The following SIX6 variants were observed in gnomAD, a reference collection of about 807,000 sequenced individuals.
The protein encoded by SIX6 is SIX homeobox 6.
Under a neutral mutation model 23.6 loss-of-function variants are expected in SIX6, and 14 were observed. The observed-to-expected ratio is 0.59, with a 90% CI of 0.39 to 0.93. The LOEUF is 0.93. Ranked by LOEUF, SIX6 falls within the 40% of genes least tolerant of loss-of-function variation. The pLI, the probability that SIX6 is intolerant of heterozygous loss-of-function variation, is 0.00. For synonymous variants in SIX6, 128 were observed against 144.9 expected, an observed-to-expected ratio of 0.88 and a Z score of 0.84; for missense variants, 307 against 325.6, an observed-to-expected ratio of 0.94 and a Z score of 0.44.
chr14:60,510,734 A>C (rs914491538), intron 1 of SIX6, among the ~76,000 whole-genome samples: 1 of 152,204 alleles, frequency 6.6e-6, no homozygotes, highest in African/African-American at 2.4e-5. Flanking sequence ...CCTGGGACCG[A>C]TCTGTCCTTG....
intron 1 of SIX6, 39 bp downstream of exon 1, chr14:60,510,009 G>C (rs780223776): frequency 1.9e-6 from 3 of 1,546,442 alleles, no homozygotes; most frequent in Admixed American, 3.7e-5. Context: ...AGCGCACCGG[G>C]GAGGAGGCGG....
rs1395272141 is a variant in SIX6, at chr14:60,512,037, G to A, written c.*785G>A. The A allele has an allele frequency of 6.6e-6, 1 of 151,238 alleles. No homozygotes were observed. The highest frequency in any genetic ancestry group is 1.5e-5 in the Non-Finnish European group (1 of 67,842). 9.4% of individuals were successfully genotyped at this position (151,238 alleles called of 1,614,324 possible). A position where few individuals can be genotyped will look rare whatever the true frequency, so the allele number is the denominator to read the frequency against. ...TATGTATGTACCTATACAAACATATGTATGTACCTATACAAACATATGTAT... is the reference window on the plus strand; with the variant it reads ...TATGTATGTACCTATACAAACATATATATGTACCTATACAAACATATGTAT... On this transcript the variant is annotated 3_prime_UTR_variant, in exon 2 of 2. Coordinates refer to ENST00000327720, the MANE Select transcript of SIX6 (RefSeq NM_007374.3).
chr14:60,509,892 C>T lies in SIX6; in HGVS notation c.494C>T (p.Thr165Ile). ...AAAAAACGTGAGCTCGCCCAGGCAA[C>T]CGGACTGACCCCTACGCAGGTGGGC... The part of the protein sequence containing the change: ...PSKKRELAQA[T>I]GLTPTQVGNW... The change falls in exon 1 of 2, where the codon ACC becomes ATC. Residue 165 changes from threonine (T) to isoleucine (I), a missense_variant. Coordinates refer to ENST00000327720, the MANE Select transcript of SIX6 (RefSeq NM_007374.3). The T allele has an allele frequency of 6.2e-7, 1 of 1,613,054 alleles. No individual in the cohort carries two copies. Among genetic ancestry groups the T allele is most frequent in the Non-Finnish European group, 8.5e-7 (1 of 1,179,446 alleles).
chr14:60,510,502 C>T (rs149771549), intron 1 of SIX6, among the ~76,000 whole-genome samples: 82 of 152,356 alleles, frequency 5.4e-4, no homozygotes, highest in African/African-American at 1.9e-3. Flanking sequence ...TGTCTCAAAA[C>T]AGCAAACTAG....
At position 60,509,285 on chromosome 14, in the gene SIX6, G is replaced by A. The variant is rs886050562; in HGVS notation, c.-114G>A. On this transcript the variant is annotated 5_prime_UTR_variant, in exon 1 of 2. Transcript: ENST00000327720. Reference sequence around the variant, plus strand: ...CCGCCGCCACCCGGTAGTGTGTCCCGCTGCCCCAATCCGCCTCATCAACAA... The same window carrying A: ...CCGCCGCCACCCGGTAGTGTGTCCCACTGCCCCAATCCGCCTCATCAACAA... 51 of 922,062 alleles carry A rather than the reference G, an allele frequency of 5.5e-5. No individual in the cohort carries two copies. Among genetic ancestry groups the A allele is most frequent in the Non-Finnish European group, 7.6e-5 (44 of 577,778 alleles). 57.1% of individuals were successfully genotyped at this position (922,062 alleles called of 1,614,324 possible). A position where few individuals can be genotyped will look rare whatever the true frequency, so the allele number is the denominator to read the frequency against.
chr14:60,509,350 C>G lies in SIX6; in HGVS notation c.-49C>G, dbSNP rs747432869. 1 of 1,513,552 alleles carries G rather than the reference C, an allele frequency of 6.6e-7. No individual in the cohort carries two copies. The highest frequency in any genetic ancestry group is 9.1e-7 in the Non-Finnish European group (1 of 1,102,406). 93.8% of individuals were successfully genotyped at this position (1,513,552 alleles called of 1,614,324 possible). On this transcript the variant is annotated 5_prime_UTR_variant, in exon 1 of 2. Transcript: ENST00000327720. ...CAGCCAGGCCCGCGGGCATCTGCTG[C>G]GTGTCCCGCTCCGGGCTCAGTGCCC...
intron 1 of SIX6, 135 bp downstream of exon 1, chr14:60,510,105 G>A (rs1281984632): frequency 6.3e-6 from 5 of 797,318 alleles, no homozygotes; most frequent in Non-Finnish European, 1.0e-5. Context: ...TGGGTTAAGA[G>A]CCCTGCGTTC....
In SIX6 at chr14:60,512,162, T is replaced by C. The variant is rs1893304785; in HGVS notation, c.*910T>C. On this transcript the variant is annotated 3_prime_UTR_variant, in exon 2 of 2. Coordinates refer to ENST00000327720, the MANE Select transcript of SIX6 (RefSeq NM_007374.3). ...ATCCCCAGCACAGGTAATTATGGCT[T>C]GTCCACTTGACACTCGTTTACATGA... 2 of 152,234 alleles carry C rather than the reference T, an allele frequency of 1.3e-5. No homozygotes were observed. The highest frequency in any genetic ancestry group is 4.1e-4 in the South Asian group (2 of 4,834). The allele number at this position is 152,234 out of a possible 1,614,324, so 9.4% of individuals were successfully genotyped here.
Position 60,512,037 on chromosome 14 carries a change from GTATGTACCTATACAAACA to G in SIX6, c.*792_*809del, listed in dbSNP as rs1893303225. 6.6e-6 allele frequency: 1 copy of G among 151,238 alleles called. No individual in the cohort carries two copies. Among genetic ancestry groups the G allele is most frequent in the Admixed American group, 6.6e-5 (1 of 15,176 alleles). The allele number at this position is 151,238 out of a possible 1,614,324, so 9.4% of individuals were successfully genotyped here. A position where few individuals can be genotyped will look rare whatever the true frequency, so the allele number is the denominator to read the frequency against. On this transcript the variant is annotated 3_prime_UTR_variant, in exon 2 of 2. Transcript: ENST00000327720. The stretch of plus-strand genomic sequence containing the variant: ...TATGTATGTACCTATACAAACATAT[GTATGTACCTATACAAACA>G]TATGTATGTATGCATACACGTGATA...
Position 60,511,376 on chromosome 14 carries a change from C to A in SIX6, c.*124C>A, listed in dbSNP as rs918559299. 1.1e-4 allele frequency: 141 copies of A among 1,228,618 alleles called. No homozygotes were observed. In the African/African-American group the frequency reaches 1.8e-3, roughly 15 times the overall value. 76.1% of individuals were successfully genotyped at this position (1,228,618 alleles called of 1,614,324 possible). Reference sequence around the variant, plus strand: ...CACAGAAGCCAGGTGACCAGGGACCCGCGGGCTCGGGTTGCCGTTTCCCGC... The same window carrying A: ...CACAGAAGCCAGGTGACCAGGGACCAGCGGGCTCGGGTTGCCGTTTCCCGC... On this transcript the variant is annotated 3_prime_UTR_variant, in exon 2 of 2. Transcript: ENST00000327720.
At chr14:60,510,482 C>T (rs1479519802) in intron 1 of SIX6, among the ~76,000 whole-genome samples, 5 of 152,222 alleles carry the variant, frequency 3.3e-5, no homozygotes, top group Admixed American at 3.3e-4. Flanking sequence ...CATGCGCTGC[C>T]TGCCACTCTT....
In SIX6 at chr14:60,509,767, C is replaced by T. The variant is rs747003051; in HGVS notation, c.369C>T (p.Arg123=). The T allele has an allele frequency of 2.5e-6, 4 of 1,613,258 alleles. No individual in the cohort carries two copies. The Admixed American group carries it at 6.7e-5, about 27-fold the overall frequency. The change falls in exon 1 of 2, where the codon CGC becomes CGT. Residue 123 remains arginine, a synonymous_variant. Transcript: ENST00000327720. ...YRVRKKFPLP[R]TIWDGEQKTH... ...TAAGGAAGAAGTTCCCGCTGCCGCG[C>T]ACCATTTGGGACGGCGAACAGAAGA...
chr14:60,510,164 T>A (rs1274434506), intron 1 of SIX6, among the ~76,000 whole-genome samples, 194 bp downstream of exon 1: 1 of 152,112 alleles, frequency 6.6e-6, no homozygotes, highest in African/African-American at 2.4e-5. Flanking sequence ...CCCCACCCGC[T>A]GGCTCCCCAC....
In SIX6 at chr14:60,512,017, ATGTACCTATACAAACATATG is replaced by A. The variant is rs1893302618; in HGVS notation, c.*767_*786del. The A allele has an allele frequency of 2.7e-4, 1 of 3,748 alleles. No homozygotes were observed. The highest frequency in any genetic ancestry group is 1.9e-3 in the Non-Finnish European group (1 of 528). The allele number at this position is 3,748 out of a possible 1,614,324, so 0.2% of individuals were successfully genotyped here. On this transcript the variant is annotated 3_prime_UTR_variant, in exon 2 of 2. Coordinates refer to ENST00000327720, the MANE Select transcript of SIX6 (RefSeq NM_007374.3). Reference sequence around the variant, plus strand: ...AAATTACACGTATGTGCATATATGTATGTACCTATACAAACATATGTATGTACCTATACAAACATATGTAT... The same window carrying A: ...AAATTACACGTATGTGCATATATGTATATGTACCTATACAAACATATGTAT...
In SIX6 at chr14:60,509,587, C is replaced by T. The variant is rs541877596; in HGVS notation, c.189C>T (p.His63=). ...GCGCACGAGCCATCGTGGCCTTTCA[C>T]GGTGGCAACTACCGCGAGCTCTATC... ...VLRARAIVAF[H]GGNYRELYHI... Residue 63 remains histidine (H), a synonymous_variant, in exon 1 of 2, where the codon CAC becomes CAT. Coordinates refer to ENST00000327720, the MANE Select transcript of SIX6 (RefSeq NM_007374.3). 2 of 1,613,226 alleles carry T rather than the reference C, an allele frequency of 1.2e-6. No homozygotes were observed. The highest frequency in any genetic ancestry group is 1.7e-5 in the Admixed American group (1 of 60,024).
chr14:60,510,969 G>A, intron 1 of SIX6, 115 bp from the exon 2 acceptor site: 1 of 1,075,608 alleles, frequency 9.3e-7, no homozygotes, highest in South Asian at 1.4e-5. Context: ...CTTAACTGCT[G>A]GGGTCTTCGG....
chr14:60,509,200 C>G lies in SIX6; in HGVS notation c.-199C>G. The G allele has an allele frequency of 1.7e-6, 1 of 601,574 alleles. No homozygotes were observed. The highest frequency in any genetic ancestry group is 2.9e-5 in the Admixed American group (1 of 34,840). 37.3% of individuals were successfully genotyped at this position (601,574 alleles called of 1,614,324 possible). On this transcript the variant is annotated 5_prime_UTR_variant, in exon 1 of 2. Transcript: ENST00000327720. ...GCCTGAGCCGAGCCGAGCCCGAACC[C>G]CAAGCCGCGGAGCCAGCACCTCCTC...
intron 1 of SIX6, 81 bp downstream of exon 1, chr14:60,510,051 C>T: frequency 8.2e-7 from 1 of 1,225,196 alleles, no homozygotes; most frequent in Non-Finnish European, 1.2e-6. Flanking sequence ...TTACCCAGTC[C>T]CTGGCGACTC....
At position 60,509,468 on chromosome 14, in the gene SIX6, A is replaced by G. The variant is rs1168027662; in HGVS notation, c.70A>G (p.Ser24Gly). The change falls in exon 1 of 2, where the codon AGC becomes GGC. Residue 24 changes from serine (S) to glycine (G), a missense_variant. Physicochemically the swap from Ser to Gly is moderately conservative, Grantham distance 56. Transcript: ENST00000327720. The stretch of plus-strand genomic sequence containing the variant: ...CGGGGTATGTGAGACCCTGGAAGAG[A>G]GCGGCGATGTGGAGCGCCTGGGTCG... ...VAGVCETLEE[S>G]GDVERLGRFL... 3 of 1,600,440 alleles carry G rather than the reference A, an allele frequency of 1.9e-6. No individual in the cohort carries two copies. The highest frequency in any genetic ancestry group is 2.5e-6 in the Non-Finnish European group (3 of 1,179,936).
Sources: gnomAD v4.1 joint callset for allele counts (sites outside exome capture counted in the v4.1 genomes callset) on GRCh38, gnomAD v4.1.1 for gene constraint, MANE v1.5 for transcripts, NCBI Gene and HGNC (gene_info 2026-07-23, HGNC 2026-07-21) for gene names.